LTBP1: variants seen among roughly 807,000 people sequenced by gnomAD.
LTBP1 encodes the protein latent transforming growth factor beta binding protein 1, also known as latent-transforming growth factor beta-binding protein 1.
A neutral mutation model predicts 207.6 loss-of-function variants in LTBP1; 129 were observed. The ratio of observed to expected loss-of-function variants is 0.62; its 90% CI spans 0.54 to 0.72. The LOEUF (loss-of-function observed/expected upper bound fraction) is 0.72, where lower values mean the gene tolerates loss of function less well. Ranked by LOEUF, LTBP1 falls within the 30% of genes least tolerant of loss-of-function variation. The pLI is 0.00. For missense variants in LTBP1, 2,281 were observed against 2,217.2 expected (o/e 1.03, Z -0.58); for synonymous variants, 963 against 833.7 (o/e 1.16, Z -2.67).
chr2:33,116,315 G>C (rs1203018177), intron 4 of LTBP1, among the ~76,000 whole-genome samples: 1 of 152,178 alleles, frequency 6.6e-6, no homozygotes, highest in East Asian at 1.9e-4. Flanking sequence ...GATGGGCTTA[G>C]GTTTTAAATA....
chr2:33,288,060 C>T (rs2093699351), intron 19 of LTBP1, among the ~76,000 whole-genome samples: 1 of 152,146 alleles, frequency 6.6e-6, no homozygotes, highest in Non-Finnish European at 1.5e-5. Context: ...GAATAAGATG[C>T]TTTATCCCTA....
At chr2:32,979,448 C>T (rs1271369998) in intron 2 of LTBP1, among the ~76,000 whole-genome samples, 3 of 151,926 alleles carry the variant, frequency 2.0e-5, no homozygotes, top group Non-Finnish European at 4.4e-5. Context: ...ATTCATTGGC[C>T]CTCTGATCGT....
intron 3 of LTBP1, among the ~76,000 whole-genome samples, chr2:33,072,051 A>G (rs577366824): frequency 2.9e-4 from 44 of 152,252 alleles, no homozygotes; most frequent in Admixed American, 8.5e-4. Flanking sequence ...CGTTTCAGAT[A>G]CCAGTTGCAA....
intron 7 of LTBP1, among the ~76,000 whole-genome samples, chr2:33,201,122 A>G (rs2089198557): frequency 1.3e-5 from 2 of 152,228 alleles, no homozygotes; most frequent in African/African-American, 4.8e-5. Flanking sequence ...CCATCCCATT[A>G]CTGAGTATAT....
chr2:33,093,171 C>T (rs895100557), intron 3 of LTBP1, among the ~76,000 whole-genome samples: 1 of 152,212 alleles, frequency 6.6e-6, no homozygotes, highest in Admixed American at 6.5e-5. Context: ...ACATTCTAAG[C>T]AGTCCCTGGT....
intron 31 of LTBP1, among the ~76,000 whole-genome samples, chr2:33,369,523 G>A (rs548124488): frequency 6.6e-6 from 1 of 152,040 alleles, no homozygotes; most frequent in African/African-American, 2.4e-5. Context: ...AAATATATCT[G>A]TTGGAGTATA....
At chr2:33,109,602 T>A (rs1328325352) in intron 3 of LTBP1, among the ~76,000 whole-genome samples, 1 of 152,180 alleles carries the variant, frequency 6.6e-6, no homozygotes. Flanking sequence ...CACATAGTAA[T>A]CATGTTCAGA....
chr2:33,356,579 T>C (rs964105186), intron 26 of LTBP1, among the ~76,000 whole-genome samples: 62 of 152,164 alleles, frequency 4.1e-4, no homozygotes, highest in African/African-American at 1.5e-3. Context: ...TTCAGGAGGC[T>C]GAGGCAGGAG....
chr2:33,334,073 C>G (rs1202395714), intron 24 of LTBP1, among the ~76,000 whole-genome samples: 1 of 152,192 alleles, frequency 6.6e-6, no homozygotes, highest in African/African-American at 2.4e-5. Flanking sequence ...CAAGAAGAAT[C>G]CTTTGGGTTT....
chr2:33,063,887 T>C (rs2077379576), intron 3 of LTBP1, among the ~76,000 whole-genome samples: 1 of 151,604 alleles, frequency 6.6e-6, no homozygotes, highest in Admixed American at 6.6e-5. Context: ...GGAGTCTCGC[T>C]CTGTCGCTCA....
intron 3 of LTBP1, among the ~76,000 whole-genome samples, chr2:33,051,432 A>AAC (rs371581676): frequency 2.3e-4 from 35 of 152,020 alleles, no homozygotes; most frequent in African/African-American, 6.8e-4. Context: ...TAAGAAAAAA[A>AAC]ACACACACAC....
At chr2:33,041,729 G>A (rs1261284451) in intron 3 of LTBP1, among the ~76,000 whole-genome samples, 1 of 152,172 alleles carries the variant, frequency 6.6e-6, no homozygotes, top group Non-Finnish European at 1.5e-5. Flanking sequence ...GATAAATAAG[G>A]CAGGATAGTC....
chr2:33,010,761 C>T (rs1471035707), intron 2 of LTBP1, among the ~76,000 whole-genome samples: 1 of 147,516 alleles, frequency 6.8e-6, no homozygotes, highest in Non-Finnish European at 1.5e-5. Context: ...TGCTCTGTCA[C>T]CAAGCTGGAG....
intron 3 of LTBP1, among the ~76,000 whole-genome samples, chr2:33,069,386 G>A (rs112808217): frequency 4.6e-5 from 7 of 152,280 alleles, no homozygotes; most frequent in African/African-American, 1.7e-4. Flanking sequence ...TTCTGCAGAT[G>A]AAGCACCCAT....
intron 5 of LTBP1, among the ~76,000 whole-genome samples, chr2:33,147,138 A>T (rs2083121016): frequency 6.6e-6 from 1 of 152,190 alleles, no homozygotes; most frequent in Admixed American, 6.5e-5. Flanking sequence ...TATACAACAG[A>T]ATCTAGGAAT....
intron 2 of LTBP1, among the ~76,000 whole-genome samples, chr2:32,991,752 C>T (rs1684456872): frequency 6.6e-6 from 1 of 152,188 alleles, no homozygotes; most frequent in Non-Finnish European, 1.5e-5. Flanking sequence ...AATCTAGCTC[C>T]TCCAGCCCTG....
intron 4 of LTBP1, among the ~76,000 whole-genome samples, chr2:33,118,805 G>T (rs1042493315): frequency 1.3e-5 from 2 of 152,152 alleles, no homozygotes; most frequent in Non-Finnish European, 2.9e-5. Flanking sequence ...TGGTATATCT[G>T]AGAGCTATTT....
chr2:32,949,985 C>G (rs1676855125), intron 2 of LTBP1, among the ~76,000 whole-genome samples: 1 of 152,228 alleles, frequency 6.6e-6, no homozygotes, highest in Non-Finnish European at 1.5e-5. Flanking sequence ...AGTCTTCTGA[C>G]TATTGAACTC....
intron 31 of LTBP1, among the ~76,000 whole-genome samples, chr2:33,368,140 G>T (rs2095018794): frequency 6.6e-6 from 1 of 152,114 alleles, no homozygotes. Context: ...CTGGGAGGTG[G>T]AGGTTGCAGT....
Sources: allele counts gnomAD v4.1 joint callset (sites outside exome capture counted in the v4.1 genomes callset), GRCh38; gene constraint gnomAD v4.1.1; transcripts MANE v1.5; gene names NCBI Gene and HGNC (gene_info 2026-07-23, HGNC 2026-07-21).